The following ADCY5 variants were observed in gnomAD, a reference collection of about 807,000 sequenced individuals.
The protein encoded by ADCY5 is adenylate cyclase type 5.
ADCY5 carries 30 observed loss-of-function variants against 119.7 expected under a neutral mutation model. The observed-to-expected ratio is 0.25, with a 90% CI of 0.19 to 0.34. ADCY5 has a LOEUF of 0.34. Among genes scored for constraint, ADCY5 ranks in the 10% least tolerant of loss-of-function variants. The pLI is 1.00. For synonymous variants in ADCY5, 753 were observed against 762.2 expected, an observed-to-expected ratio of 0.99 and a Z score of 0.20; for missense variants, 1,324 against 1,775.2, an observed-to-expected ratio of 0.75 and a Z score of 4.57.
Position 123,352,060 on chromosome 3 carries a change from C to T in ADCY5, c.1284+372G>A, listed in dbSNP as rs1559829732. Among the ~76,000 whole-genome samples the T allele has an allele frequency of 6.6e-6, 1 of 152,316 alleles. No individual in the cohort carries two copies. The highest frequency in any genetic ancestry group is 2.4e-5 in the African/African-American group (1 of 41,572). On this transcript the variant is annotated intron_variant, in intron 2 of 20. Coordinates refer to ENST00000462833, the MANE Select transcript of ADCY5 (RefSeq NM_183357.3). The surrounding 1 kb of genome is among the most constrained non-coding windows in gnomAD (Gnocchi z 4.8). ...CCTTAATCCCAGTTAGGAATGCTGG[C>T]TTCTCTCCTTACTCCAACTCAAGGC...
chr3:123,322,091 C>T (rs946615570), intron 8 of ADCY5, among the ~76,000 whole-genome samples: 2 of 152,200 alleles, frequency 1.3e-5, no homozygotes, highest in Non-Finnish European at 2.9e-5. Context: ...AGTGAGCTCT[C>T]CCTCTGGGGG....
chr3:123,448,063 C>T lies in ADCY5; in HGVS notation c.483G>A (p.Glu161=). The part of the protein sequence containing the change: ...VRPRSVEVGL[E]ERRGKGRAAD... ...CCGCGCGCCCCTTGCCCCGCCGCTC[C>T]TCCAGACCCACCTCCACCGAGCGAG... Residue 161 remains glutamate, a synonymous_variant, in exon 1 of 21, where the codon GAG becomes GAA. Transcript: ENST00000462833. The T allele has an allele frequency of 8.0e-7, 1 of 1,249,442 alleles. No homozygotes were observed. The highest frequency in any genetic ancestry group is 1.0e-6 in the Non-Finnish European group (1 of 995,052). 77.4% of individuals were successfully genotyped at this position (1,249,442 alleles called of 1,614,324 possible). A position where few individuals can be genotyped will look rare whatever the true frequency, so the allele number is the denominator to read the frequency against.
intron 12 of ADCY5, among the ~76,000 whole-genome samples, chr3:123,308,280 G>A (rs928171934): frequency 2.0e-5 from 3 of 151,128 alleles, no homozygotes; most frequent in Admixed American, 1.3e-4. Flanking sequence ...CTCGTGATCC[G>A]CCCGCCTCAG....
intron 3 of ADCY5, among the ~76,000 whole-genome samples, chr3:123,345,987 G>A (rs1021253719): frequency 5.8e-4 from 88 of 152,366 alleles, no homozygotes; most frequent in Middle Eastern, 3.4e-3. Context: ...TAACCAACGA[G>A]AGGACAAGTT....
intron 3 of ADCY5, among the ~76,000 whole-genome samples, chr3:123,339,383 A>C (rs115345934): frequency 1.3e-5 from 2 of 152,156 alleles, no homozygotes; most frequent in Admixed American, 1.3e-4. Flanking sequence ...GAGGTCAGAC[A>C]CCAGAGGGCT....
At chr3:123,309,195 C>T (rs998273443) in intron 12 of ADCY5, among the ~76,000 whole-genome samples, 1 of 152,054 alleles carries the variant, frequency 6.6e-6, no homozygotes, top group Non-Finnish European at 1.5e-5. Flanking sequence ...GATGCGGGGC[C>T]AGGGTATTGC....
At position 123,431,620 on chromosome 3, in the gene ADCY5, G is replaced by A. The variant is rs35942678; in HGVS notation, c.1134+15792C>T. On this transcript the variant is annotated intron_variant, in intron 1 of 20. Transcript: ENST00000462833. Reference sequence around the variant, plus strand: ...AACAGTCATTTCCTAAAATATTCTTGCAGTTATTATAGCACTGCACTAAGC... The same window carrying A: ...AACAGTCATTTCCTAAAATATTCTTACAGTTATTATAGCACTGCACTAAGC... Among the ~76,000 whole-genome samples, 306 of 152,268 alleles carry A rather than the reference G, an allele frequency of 2.0e-3. 2 individuals carry two copies. Among genetic ancestry groups the A allele is most frequent in the Middle Eastern group, 0.017 (5 of 294 alleles).
At chr3:123,368,171 C>T in intron 1 of ADCY5, 2 of 724,014 alleles carry the variant, frequency 2.8e-6, no homozygotes, top group East Asian at 3.0e-5. Flanking sequence ...GCGCTCATCT[C>T]TATAATGGAG....
intron 1 of ADCY5, among the ~76,000 whole-genome samples, chr3:123,369,772 T>C (rs1306567530): frequency 6.6e-6 from 1 of 152,154 alleles, no homozygotes; most frequent in Non-Finnish European, 1.5e-5. Context: ...CCTATGAGGT[T>C]TCTTTCTATG....
chr3:123,396,723 GAGGGAGGAAGGAAGGAAGGA>G lies in ADCY5; in HGVS notation c.1135-44162_1135-44143del, dbSNP rs1252934766. On this transcript the variant is annotated intron_variant, in intron 1 of 20. Coordinates refer to ENST00000462833, the MANE Select transcript of ADCY5 (RefSeq NM_183357.3). ...GAGAGGGAGGGAGGGAGAGAGAAGG[GAGGGAGGAAGGAAGGAAGGA>G]AGGAAGGAAGGAAGGAAGGAAGGAA... Among the ~76,000 whole-genome samples the G allele has an allele frequency of 3.2e-5, 3 of 94,866 alleles. No homozygotes were observed. In the Admixed American group the frequency reaches 3.3e-4, roughly 11 times the overall value. 62.2% of individuals were successfully genotyped at this position (94,866 alleles called of 152,430 possible).
chr3:123,331,584 A>T (rs1415083029), intron 4 of ADCY5, among the ~76,000 whole-genome samples: 1 of 152,238 alleles, frequency 6.6e-6, no homozygotes, highest in East Asian at 1.9e-4. Context: ...GAGTGCCAAG[A>T]ATCCAACAGA....
intron 1 of ADCY5, among the ~76,000 whole-genome samples, chr3:123,374,986 C>T (rs1454965333): frequency 1.3e-5 from 2 of 152,204 alleles, no homozygotes; most frequent in African/African-American, 4.8e-5. Flanking sequence ...TGAGAAGTTC[C>T]TCTTCTCCCT....
intron 12 of ADCY5, 37 bp downstream of exon 12, chr3:123,314,198 A>T (rs749617796): frequency 6.5e-7 from 1 of 1,543,516 alleles, no homozygotes; most frequent in Non-Finnish European, 8.9e-7. Flanking sequence ...AGAAGCGGGA[A>T]GAAGGTGGCT....
In ADCY5 at chr3:123,319,722, G is replaced by T. The variant is rs755243569; in HGVS notation, c.2208C>A (p.His736Gln). The T allele has an allele frequency of 1.2e-6, 2 of 1,614,240 alleles. No individual in the cohort carries two copies. Among genetic ancestry groups the T allele is most frequent in the South Asian group, 2.2e-5 (2 of 91,084 alleles). ...TGAAGGTCAGGAGGAACTTGCGGAC[G>T]TGCTCAGACCGAAGCCTATCAATGC... is the stretch of plus-strand genomic sequence containing the variant. ...ARSIDRLRSE[H>Q]VRKFLLTFRE... is the part of the protein sequence containing the mutation. Residue 736 changes from histidine to glutamine, a missense_variant, in exon 10 of 21, where the codon CAC (histidine) becomes CAA (glutamine). His to Gln is a conservative substitution (Grantham distance 24). Around this residue, in one of 6 missense-constraint regions of ADCY5, gnomAD observed 424 missense variants for 546.8 expected, o/e 0.78. Transcript: ENST00000462833.
chr3:123,345,751 CAGACAG>C (rs1199200060), intron 3 of ADCY5, among the ~76,000 whole-genome samples: 16 of 51,486 alleles, frequency 3.1e-4, no homozygotes, highest in African/African-American at 7.9e-4. Context: ...GACAGACAGA[CAGACAG>C]ACAGACAGAC....
chr3:123,335,339 C>T (rs1037146848), intron 3 of ADCY5, among the ~76,000 whole-genome samples: 6 of 152,210 alleles, frequency 3.9e-5, no homozygotes, highest in African/African-American at 1.4e-4. Context: ...ATCTTAGCAG[C>T]AGTCCTCTCC....
chr3:123,305,171 C>T (rs1302990088), intron 12 of ADCY5, among the ~76,000 whole-genome samples: 5 of 152,302 alleles, frequency 3.3e-5, no homozygotes, highest in East Asian at 1.9e-4. Context: ...CCTATTTGTA[C>T]GGCTCTTGGG....
intron 1 of ADCY5, among the ~76,000 whole-genome samples, chr3:123,389,912 T>TG (rs5852334): frequency 0.48 from 72,807 of 151,884 alleles, 18,307 homozygotes; most frequent in East Asian, 0.68. Flanking sequence ...CTTAGCTCTA[T>TG]GGGGGGCTAC....
chr3:123,305,358 T>TG (rs1176663730), intron 12 of ADCY5, among the ~76,000 whole-genome samples: 4 of 152,186 alleles, frequency 2.6e-5, no homozygotes, highest in Non-Finnish European at 5.9e-5. Flanking sequence ...AAGTAGGTCA[T>TG]GGGGCCATAG....
Sources: gnomAD v4.1 joint callset for allele counts (sites outside exome capture counted in the v4.1 genomes callset) on GRCh38, gnomAD v4.1.1 for gene constraint, gnomAD v4.1.1 regional missense constraint, Gnocchi (gnomAD v3.1) non-coding constraint, MANE v1.5 for transcripts, NCBI Gene and HGNC (gene_info 2026-07-23, HGNC 2026-07-21) for gene names.